ELAPOR2: variants seen among roughly 807,000 people sequenced by gnomAD.
ELAPOR2 encodes the protein endosome-lysosome associated apoptosis and autophagy regulator family member 2.
Under a neutral mutation model 120.7 loss-of-function variants are expected in ELAPOR2, and 89 were observed. The ratio of observed to expected loss-of-function variants is 0.74; its 90% CI spans 0.62 to 0.88. ELAPOR2 has a LOEUF of 0.88. ELAPOR2 is among the 40% of genes least tolerant of loss of function. The probability of loss-of-function intolerance (pLI) is 0.00; values close to 1 mark genes in which losing one functional copy is unlikely to be tolerated. For missense variants in ELAPOR2, 1,134 were observed against 1,251.6 expected (o/e 0.91, Z 1.42); for synonymous variants, 444 against 444.9 (o/e 1.00, Z 0.03).
intron 12 of ELAPOR2, 113 bp downstream of exon 12, chr7:86,918,323 CAAAAAA>C (rs370415220): frequency 3.6e-3 from 631 of 173,610 alleles, no homozygotes; most frequent in African/African-American, 0.012. Context: ...CTAAGAATAG[CAAAAAA>C]AAAAAAAAAA....
Position 87,034,912 on chromosome 7 carries a change from G to A in ELAPOR2, c.189+24413C>T, listed in dbSNP as rs574209524. Reference sequence around the variant, plus strand: ...AACCTGGCCAACATGGTGAAACCCCGTCTCTACTAAAAATACAAAATTAGC... The same window carrying A: ...AACCTGGCCAACATGGTGAAACCCCATCTCTACTAAAAATACAAAATTAGC... On this transcript the variant is annotated intron_variant, in intron 1 of 21. Coordinates refer to ENST00000450689, the MANE Select transcript of ELAPOR2 (RefSeq NM_001142749.3). 2.1e-3 allele frequency among the ~76,000 whole-genome samples: 313 copies of A among 152,024 alleles called. 4 individuals carry two copies. The highest frequency in any genetic ancestry group is 7.3e-3 in the African/African-American group (303 of 41,466).
At chr7:86,942,834 A>G (rs1584378139) in intron 4 of ELAPOR2, among the ~76,000 whole-genome samples, 1 of 152,074 alleles carries the variant, frequency 6.6e-6, no homozygotes, top group African/African-American at 2.4e-5. Flanking sequence ...GCAACAGAGT[A>G]GAGTTAAAAT....
chr7:87,011,901 CAT>C (rs796568738), intron 1 of ELAPOR2, among the ~76,000 whole-genome samples: 17 of 152,176 alleles, frequency 1.1e-4, no homozygotes, highest in African/African-American at 4.1e-4. Context: ...ATGCAAGTCA[CAT>C]GTGTAATTTT....
intron 1 of ELAPOR2, among the ~76,000 whole-genome samples, chr7:86,993,850 G>A (rs1166777068): frequency 6.6e-6 from 1 of 152,058 alleles, no homozygotes; most frequent in Non-Finnish European, 1.5e-5. Context: ...CCTCTATTAT[G>A]GACAAGTTTC....
At position 86,909,495 on chromosome 7, in the gene ELAPOR2, C is replaced by T. The variant is rs568004574; in HGVS notation, c.2359+317G>A. On this transcript the variant is annotated intron_variant, in intron 16 of 21. Coordinates refer to ENST00000450689, the MANE Select transcript of ELAPOR2 (RefSeq NM_001142749.3). ...ATTTAGGTGTAGTTGTGTTTGTTTACTATTCCTATTTTGTTTTTAGTTTTG... is the reference window on the plus strand; with the variant it reads ...ATTTAGGTGTAGTTGTGTTTGTTTATTATTCCTATTTTGTTTTTAGTTTTG... Among the ~76,000 whole-genome samples, 51 of 152,158 alleles carry T rather than the reference C, an allele frequency of 3.4e-4. 5 individuals are homozygous for T. The South Asian group carries it at 0.01, about 30-fold the overall frequency.
At chr7:86,993,245 A>AAAAAAAAAAG (rs1554402324) in intron 1 of ELAPOR2, among the ~76,000 whole-genome samples, 6 of 150,242 alleles carry the variant, frequency 4.0e-5, no homozygotes, top group African/African-American at 1.5e-4. Flanking sequence ...AAAAAAAAAA[A>AAAAAAAAAAG]AAAAAGAAAA....
intron 1 of ELAPOR2, among the ~76,000 whole-genome samples, chr7:87,052,625 G>A (rs1310293377): frequency 6.6e-6 from 1 of 152,130 alleles, no homozygotes; most frequent in Non-Finnish European, 1.5e-5. Context: ...GACACTGCTA[G>A]TCCTAGGAGC....
At chr7:87,043,085 C>T (rs558162770) in intron 1 of ELAPOR2, among the ~76,000 whole-genome samples, 40 of 152,044 alleles carry the variant, frequency 2.6e-4, no homozygotes, top group African/African-American at 9.4e-4. Context: ...TCTGAATAGA[C>T]CAATAACAGG....
At chr7:86,946,067 GTT>G (rs1203374520) in intron 3 of ELAPOR2, among the ~76,000 whole-genome samples, 2 of 151,572 alleles carry the variant, frequency 1.3e-5, no homozygotes, top group Non-Finnish European at 2.9e-5. Flanking sequence ...CTTCACAAAA[GTT>G]AATAAACACA....
At chr7:87,019,188 C>T (rs555710291) in intron 1 of ELAPOR2, among the ~76,000 whole-genome samples, 1 of 152,158 alleles carries the variant, frequency 6.6e-6, no homozygotes. Context: ...TTTTGAGACA[C>T]GGTTTTGCCC....
At chr7:87,018,996 A>C (rs955363143) in intron 1 of ELAPOR2, among the ~76,000 whole-genome samples, 4 of 152,226 alleles carry the variant, frequency 2.6e-5, no homozygotes, top group Admixed American at 6.5e-5. Flanking sequence ...CATGTGAGCA[A>C]GGCAGAAACT....
chr7:87,049,341 T>C (rs1487999102), intron 1 of ELAPOR2, among the ~76,000 whole-genome samples: 1 of 152,030 alleles, frequency 6.6e-6, no homozygotes, highest in African/African-American at 2.4e-5. Flanking sequence ...GAGTGCAGTG[T>C]CCTGATCTCG....
At chr7:86,922,643 A>G (rs972193745) in intron 10 of ELAPOR2, among the ~76,000 whole-genome samples, 5 of 151,960 alleles carry the variant, frequency 3.3e-5, no homozygotes, top group African/African-American at 1.2e-4. Flanking sequence ...AATGACTGAA[A>G]TAATATTTTA....
intron 18 of ELAPOR2, among the ~76,000 whole-genome samples, chr7:86,898,145 G>A (rs1402814735): frequency 2.0e-5 from 3 of 152,032 alleles, no homozygotes; most frequent in Non-Finnish European, 4.4e-5. Context: ...TCTGTATAAA[G>A]GAATATTATT....
At chr7:87,011,296 A>AAAACAT (rs1433554091) in intron 1 of ELAPOR2, among the ~76,000 whole-genome samples, 1 of 151,834 alleles carries the variant, frequency 6.6e-6, no homozygotes, top group African/African-American at 2.4e-5. Context: ...ACACCACCAC[A>AAAACAT]AAACATGTTT....
At chr7:86,943,416 C>T (rs1405721909) in intron 4 of ELAPOR2, among the ~76,000 whole-genome samples, 1 of 151,972 alleles carries the variant, frequency 6.6e-6, no homozygotes, top group Non-Finnish European at 1.5e-5. Flanking sequence ...CAGCATATTT[C>T]AATCTACAAA....
At chr7:86,941,529 G>A in intron 5 of ELAPOR2, 1 of 369,192 alleles carries the variant, frequency 2.7e-6, no homozygotes. Context: ...AATGGAGACA[G>A]CACAGTACCC....
intron 1 of ELAPOR2, among the ~76,000 whole-genome samples, chr7:87,005,442 A>G (rs1026290861): frequency 4.6e-5 from 7 of 152,324 alleles, no homozygotes; most frequent in Non-Finnish European, 1.0e-4. Context: ...TTCACCTAAC[A>G]GCAAAAAACA....
intron 19 of ELAPOR2, 142 bp from the exon 20 acceptor site, chr7:86,893,242 G>A (rs1008837094): frequency 6.8e-6 from 4 of 589,132 alleles, no homozygotes; most frequent in Non-Finnish European, 1.1e-5. Flanking sequence ...AGTAGGCATA[G>A]AGGATTATTC....
Sources: gnomAD v4.1 joint callset for allele counts (sites outside exome capture counted in the v4.1 genomes callset) on GRCh38, gnomAD v4.1.1 for gene constraint, MANE v1.5 for transcripts, NCBI Gene and HGNC (gene_info 2026-07-23, HGNC 2026-07-21) for gene names.